The following TCF20 variants were observed in gnomAD, a reference collection of about 807,000 sequenced individuals.
TCF20 encodes SPRE-binding protein.
In TCF20, 3 loss-of-function variants were observed where a neutral mutation model predicts 148.6. The ratio of observed to expected loss-of-function variants is 0.02; its 90% CI spans 0.01 to 0.05. The LOEUF (loss-of-function observed/expected upper bound fraction) is 0.05. TCF20 is among the 10% of genes least tolerant of loss of function. The pLI is 1.00. For synonymous variants in TCF20, 1,049 were observed against 909.5 expected, an observed-to-expected ratio of 1.15 and a Z score of -2.76; for missense variants, 2,350 against 2,429.3, an observed-to-expected ratio of 0.97 and a Z score of 0.69.
Position 42,214,218 on chromosome 22 carries a change from T to C in TCF20, c.1088A>G (p.Asn363Ser), listed in dbSNP as rs1302542365. The part of the protein sequence containing the change: ...PVRSPMQFHQ[N>S]FSPISNPSPA... Reference sequence around the variant, plus strand: ...AGAAGGGTTAGAAATGGGGCTGAAGTTCTGGTGAAACTGCATGGGGGACCT... The same window carrying C: ...AGAAGGGTTAGAAATGGGGCTGAAGCTCTGGTGAAACTGCATGGGGGACCT... The change falls in exon 2 of 6, where the codon AAC becomes AGC. Residue 363 changes from asparagine to serine, a missense_variant. Asn to Ser is a conservative substitution (Grantham distance 46). Transcript: ENST00000677622. 2 of 1,613,916 alleles carry C rather than the reference T, an allele frequency of 1.2e-6. No homozygotes were observed. Among genetic ancestry groups the C allele is most frequent in the East Asian group, 4.5e-5 (2 of 44,896 alleles).
chr22:42,323,339 G>T, intron 1 of TCF20, among the ~76,000 whole-genome samples: 1 of 151,486 alleles, frequency 6.6e-6, no homozygotes, highest in Admixed American at 6.6e-5. Flanking sequence ...GCAGCCAGGG[G>T]CAGCCAGGGC....
intron 1 of TCF20, among the ~76,000 whole-genome samples, chr22:42,251,886 T>C (rs1367661532): frequency 6.6e-6 from 1 of 152,108 alleles, no homozygotes; most frequent in Admixed American, 6.6e-5. Flanking sequence ...GGGATTTCAG[T>C]ATTTGGGATT....
At chr22:42,313,341 C>T (rs1360686489) in intron 1 of TCF20, among the ~76,000 whole-genome samples, 5 of 152,156 alleles carry the variant, frequency 3.3e-5, no homozygotes, top group Admixed American at 1.3e-4. Context: ...AGACCTGCCT[C>T]GTGCAATACA....
intron 2 of TCF20, among the ~76,000 whole-genome samples, chr22:42,196,768 CAG>C (rs1181809604): frequency 6.6e-6 from 1 of 152,176 alleles, no homozygotes; most frequent in Admixed American, 6.5e-5. Context: ...AAACACATAA[CAG>C]AGATGAAATG....
intron 3 of TCF20, among the ~76,000 whole-genome samples, chr22:42,178,618 T>C (rs1936586147): frequency 1.6e-5 from 2 of 127,324 alleles, no homozygotes; most frequent in Admixed American, 1.9e-4. Context: ...TGAGACAGAG[T>C]CTCACTCTGT....
At chr22:42,196,322 AAAT>A (rs1183932651) in intron 2 of TCF20, among the ~76,000 whole-genome samples, 2 of 152,232 alleles carry the variant, frequency 1.3e-5, no homozygotes, top group Admixed American at 6.5e-5. Flanking sequence ...TGCTTTTCAC[AAAT>A]AATAGTGGAT....
chr22:42,192,662 A>G (rs1342572674), intron 2 of TCF20, among the ~76,000 whole-genome samples: 1 of 151,556 alleles, frequency 6.6e-6, no homozygotes, highest in Non-Finnish European at 1.5e-5. Flanking sequence ...TGGTCCTCAA[A>G]TCCTAAGCCA....
In TCF20 at chr22:42,310,377, G is replaced by C. The variant is rs553260849; in HGVS notation, c.-37+33102C>G. 8.9e-4 allele frequency among the ~76,000 whole-genome samples: 135 copies of C among 151,532 alleles called. 1 individual carries two copies. Among genetic ancestry groups the C allele is most frequent in the African/African-American group, 2.7e-3 (113 of 41,254 alleles). On this transcript the variant is annotated intron_variant, in intron 1 of 1. Transcript: ENST00000515426. ...GGGCTACGGAGCCCATGTCCCACTG[G>C]GGGAGACAGACAGTGAGAGACTCTC...
chr22:42,325,139 GC>G (rs1569210181), intron 1 of TCF20, among the ~76,000 whole-genome samples: 1 of 152,240 alleles, frequency 6.6e-6, no homozygotes, highest in African/African-American at 2.4e-5. Context: ...AGGCTTCTGG[GC>G]CAGCGCCCCC....
chr22:42,187,910 A>G (rs1316435895), intron 2 of TCF20, among the ~76,000 whole-genome samples: 1 of 152,218 alleles, frequency 6.6e-6, no homozygotes, highest in East Asian at 1.9e-4. Flanking sequence ...ATGAGAAGTT[A>G]GTAGGTCTAA....
intron 1 of TCF20, among the ~76,000 whole-genome samples, chr22:42,232,521 T>TC (rs1325828122): frequency 6.6e-6 from 1 of 152,064 alleles, no homozygotes; most frequent in Non-Finnish European, 1.5e-5. Flanking sequence ...CAGGGCATAG[T>TC]CATCTTTCAG....
At chr22:42,178,693 C>T (rs1601531405) in intron 3 of TCF20, among the ~76,000 whole-genome samples, 1 of 147,544 alleles carries the variant, frequency 6.8e-6, no homozygotes, top group Admixed American at 7.0e-5. Context: ...AGTGATTCTC[C>T]TGCCTCAGAC....
chr22:42,316,120 A>C (rs1927626688), intron 1 of TCF20, among the ~76,000 whole-genome samples: 1 of 151,724 alleles, frequency 6.6e-6, no homozygotes, highest in African/African-American at 2.4e-5. Flanking sequence ...AAAAAAAAAA[A>C]AAAAAAAAAA....
rs5996123 is a variant in TCF20, at chr22:42,169,944, T to C, written c.5750-48A>G. 24,903 of 1,589,536 alleles carry C rather than the reference T, an allele frequency of 0.016. 3,041 individuals carry two copies. The African/African-American group carries it at 0.28, about 18-fold the overall frequency. On this transcript the variant is annotated intron_variant, in intron 3 of 5. Coordinates refer to ENST00000677622, the MANE Select transcript of TCF20 (RefSeq NM_001378418.1). ...CAGATGGAGACTTCACAGCTGGACATAGGTGTGGTCATGCTGGCTGGGATT... is the reference window on the plus strand; with the variant it reads ...CAGATGGAGACTTCACAGCTGGACACAGGTGTGGTCATGCTGGCTGGGATT...
At chr22:42,197,544 G>A (rs1408629329) in intron 2 of TCF20, among the ~76,000 whole-genome samples, 1 of 151,996 alleles carries the variant, frequency 6.6e-6, no homozygotes, top group Admixed American at 6.6e-5. Context: ...GGATGGTCTC[G>A]ATCTCCTGAC....
chr22:42,323,894 T>TGGC (rs1927788776), intron 1 of TCF20, among the ~76,000 whole-genome samples: 1 of 91,614 alleles, frequency 1.1e-5, no homozygotes, highest in African/African-American at 3.8e-5. Flanking sequence ...ATGGAGGTTA[T>TGGC]GGTGGTGGAG....
chr22:42,180,796 C>T (rs902494828), intron 2 of TCF20, among the ~76,000 whole-genome samples: 1 of 152,202 alleles, frequency 6.6e-6, no homozygotes, highest in Non-Finnish European at 1.5e-5. Flanking sequence ...ACGTGAAACT[C>T]TTGAGACACC....
At chr22:42,319,952 GC>G (rs1234495161) in intron 1 of TCF20, among the ~76,000 whole-genome samples, 1 of 151,906 alleles carries the variant, frequency 6.6e-6, no homozygotes, top group Non-Finnish European at 1.5e-5. Flanking sequence ...CCAGCCCTGA[GC>G]CCCCAGATCC....
chr22:42,216,079 C>CCTTTTTTTTTT (rs1921752440), intron 1 of TCF20, among the ~76,000 whole-genome samples: 1 of 50,564 alleles, frequency 2.0e-5, no homozygotes, highest in African/African-American at 8.5e-5. Flanking sequence ...AAACCAAATC[C>CCTTTTTTTTTT]TTTTTTTTTT....
Sources: allele counts gnomAD v4.1 joint callset (sites outside exome capture counted in the v4.1 genomes callset), GRCh38; gene constraint gnomAD v4.1.1; transcripts MANE v1.5; gene names NCBI Gene and HGNC (gene_info 2026-07-23, HGNC 2026-07-21).